Variants in SLC5A10 observed in about 807,000 individuals in gnomAD.
SLC5A10 encodes the protein sodium/mannose cotransporter SLC5A10.
SLC5A10 carries 55 observed loss-of-function variants against 68.9 expected under a neutral mutation model. The observed-to-expected ratio is 0.80, with a 90% CI of 0.64 to 1.00. SLC5A10 has a LOEUF of 1.00. Among genes scored for constraint, SLC5A10 ranks in the 50% least tolerant of loss-of-function variants. The pLI is 0.00. For synonymous variants in SLC5A10, 344 were observed against 344.8 expected (o/e 1.00, Z 0.02); for missense variants, 732 against 819.3 (o/e 0.89, Z 1.30).
chr17:18,954,089 C>G (rs1285320085), intron 1 of SLC5A10: 1 of 152,246 alleles, frequency 6.6e-6, no homozygotes, highest in Non-Finnish European at 1.5e-5. Context: ...CATCTCAGGG[C>G]TGTTCCAAGG....
chr17:18,963,297 G>A (rs1435403892), intron 5 of SLC5A10, among the ~76,000 whole-genome samples: 2 of 152,190 alleles, frequency 1.3e-5, no homozygotes, highest in Non-Finnish European at 2.9e-5. Context: ...AGTCAGGCAG[G>A]GACTACTGTT....
intron 5 of SLC5A10, among the ~76,000 whole-genome samples, chr17:18,962,018 G>A (rs1165822044): frequency 6.6e-6 from 1 of 152,156 alleles, no homozygotes; most frequent in Non-Finnish European, 1.5e-5. Flanking sequence ...ACTTGGCCTT[G>A]GCCTGCCCTT....
rs760427665 is a variant in SLC5A10, at chr17:19,020,418, C to G, written c.1778C>G (p.Ala593Gly). ...LLMCVNIFFY[A>G]YFA ...ATGTGTGTCAACATATTCTTTTATG[C>G]CTACTTCGCCTGACACTGCCATCCT... is the stretch of plus-strand genomic sequence containing the variant. Residue 593 changes from alanine (A) to glycine (G), a missense_variant, in exon 15 of 15, where the codon GCC (alanine) becomes GGC (glycine). Transcript: ENST00000395645. 1 of 1,613,732 alleles carries G rather than the reference C, an allele frequency of 6.2e-7. No individual in the cohort carries two copies. Among genetic ancestry groups the G allele is most frequent in the Non-Finnish European group, 8.5e-7 (1 of 1,179,950 alleles).
At position 18,999,286 on chromosome 17, in the gene SLC5A10, A is replaced by G. The variant is rs956078809; in HGVS notation, c.983-14124A>G. The stretch of plus-strand genomic sequence containing the variant: ...GAGCAAGACTTTGTCTCAAGAAGAA[A>G]AAAAAAAAAAGAAAATGCTTTTACT... On this transcript the variant is annotated intron_variant, in intron 9 of 14. Coordinates refer to ENST00000395645, the MANE Select transcript of SLC5A10 (RefSeq NM_001042450.4). 7.2e-5 allele frequency among the ~76,000 whole-genome samples: 11 copies of G among 152,148 alleles called. No homozygotes were observed. In the South Asian group the frequency reaches 1.7e-3, roughly 23 times the overall value.
At chr17:18,988,555 G>A (rs1474078007) in intron 9 of SLC5A10, 12 of 1,394,884 alleles carry the variant, frequency 8.6e-6, no homozygotes, top group South Asian at 5.7e-5. Flanking sequence ...CCTCAGGCCC[G>A]GGACCAGGAA....
At chr17:19,014,686 A>G (rs1325187639) in intron 10 of SLC5A10, among the ~76,000 whole-genome samples, 2 of 152,172 alleles carry the variant, frequency 1.3e-5, no homozygotes, top group Non-Finnish European at 2.9e-5. Context: ...CGGGTTAATC[A>G]TGCTTTCCTC....
intron 9 of SLC5A10, among the ~76,000 whole-genome samples, chr17:19,012,783 A>G (rs2044043451): frequency 6.6e-6 from 1 of 152,196 alleles, no homozygotes; most frequent in Non-Finnish European, 1.5e-5. Flanking sequence ...AGCCTGGCGT[A>G]AAGCTTGGAC....
In SLC5A10 at chr17:19,014,590, G is replaced by A. The variant is rs185370046; in HGVS notation, c.1091-459G>A. Among the ~76,000 whole-genome samples the A allele has an allele frequency of 8.4e-3, 1,282 of 152,254 alleles. 12 individuals carry two copies. The highest frequency in any genetic ancestry group is 0.023 in the South Asian group (112 of 4,824). On this transcript the variant is annotated intron_variant, in intron 10 of 14. Coordinates refer to ENST00000395645, the MANE Select transcript of SLC5A10 (RefSeq NM_001042450.4). ...CCAAGCCTTCCTCACCAACCCCACC[G>A]CACCCCAAAGTCCTGCCGCTGGCCT...
rs2043105101 is a variant in SLC5A10, at chr17:18,980,543, GTC to G, written c.982+3558_982+3559del. ...TAAGGGCCCTCTGTCCCAGTGTGGA[GTC>G]TCTGGAGCTGCCAAGGGCCTGTGTG... is the stretch of plus-strand genomic sequence containing the variant. On this transcript the variant is annotated intron_variant, in intron 9 of 14. Coordinates refer to ENST00000395645, the MANE Select transcript of SLC5A10 (RefSeq NM_001042450.4). Among the ~76,000 whole-genome samples the G allele has an allele frequency of 3.3e-5, 5 of 152,280 alleles. No individual in the cohort carries two copies. In the South Asian group the frequency reaches 1.0e-3, roughly 32 times the overall value.
chr17:18,987,541 C>A (rs781594722), intron 9 of SLC5A10, among the ~76,000 whole-genome samples: 2 of 152,188 alleles, frequency 1.3e-5, no homozygotes, highest in Non-Finnish European at 2.9e-5. Flanking sequence ...AGCGTTGGAC[C>A]AATGAGATCC....
intron 5 of SLC5A10, among the ~76,000 whole-genome samples, chr17:18,965,185 C>T (rs1216879019): frequency 6.6e-6 from 1 of 151,694 alleles, no homozygotes; most frequent in African/African-American, 2.4e-5. Flanking sequence ...GGATCGGGCC[C>T]AGGGTGGGGG....
rs1168386940 is a variant in SLC5A10, at chr17:19,021,813, C to T, written c.*1382C>T. The T allele has an allele frequency of 1.7e-5, 13 of 763,994 alleles. No homozygotes were observed. The highest frequency in any genetic ancestry group is 1.2e-4 in the South Asian group (3 of 25,900). The allele number at this position is 763,994 out of a possible 1,614,324, so 47.3% of individuals were successfully genotyped here. ...CTGGGCCATCCCAGTTTGTGCAGAG[C>T]GGCCGGAGGCAGTTAGGAGCCCACG... On this transcript the variant is annotated 3_prime_UTR_variant, in exon 15 of 15. Transcript: ENST00000395645. The surrounding 1 kb of genome is among the most constrained non-coding windows in gnomAD (Gnocchi z 4.1).
rs117870528 is a variant in SLC5A10, at chr17:18,983,117, G to A, written c.982+6128G>A. ...CCAGGACTGTCAGCCGTACTGGGTG[G>A]GTGGTTGGTGGGCTCAGGTAGGGAA... On this transcript the variant is annotated intron_variant, in intron 9 of 14. Coordinates refer to ENST00000395645, the MANE Select transcript of SLC5A10 (RefSeq NM_001042450.4). Among the ~76,000 whole-genome samples the A allele has an allele frequency of 4.3e-3, 651 of 152,350 alleles. 12 individuals carry two copies. Among genetic ancestry groups the A allele is most frequent in the Admixed American group, 0.037 (559 of 15,310 alleles).
Position 18,969,049 on chromosome 17 carries a change from C to G in SLC5A10, c.454-3C>G. 6.2e-7 allele frequency: 1 copy of G among 1,612,132 alleles called. No homozygotes were observed. The highest frequency in any genetic ancestry group is 1.1e-5 in the South Asian group (1 of 90,800). On this transcript the variant is annotated splice_polypyrimidine_tract_variant and splice_region_variant and intron_variant, in intron 5 of 14. Coordinates refer to ENST00000395645, the MANE Select transcript of SLC5A10 (RefSeq NM_001042450.4). ...TCCCACACAAGGCTCTCTCCCTCCGCAGCTGGACCTGTACGCGGGGGCTCT... is the reference window on the plus strand; with the variant it reads ...TCCCACACAAGGCTCTCTCCCTCCGGAGCTGGACCTGTACGCGGGGGCTCT...
intron 8 of SLC5A10, among the ~76,000 whole-genome samples, chr17:18,974,740 G>A (rs1213318760): frequency 6.6e-6 from 1 of 152,240 alleles, no homozygotes; most frequent in Non-Finnish European, 1.5e-5. Flanking sequence ...TACACTAGCA[G>A]CCTCACTTAA....
chr17:18,972,140 C>A (rs967687946), intron 8 of SLC5A10, among the ~76,000 whole-genome samples: 3 of 152,184 alleles, frequency 2.0e-5, no homozygotes, highest in African/African-American at 7.2e-5. Context: ...TCCAGGTGAC[C>A]TCAGATGAGC....
intron 10 of SLC5A10, 52 bp downstream of exon 10, chr17:19,013,569 G>A (rs763294680): frequency 6.6e-6 from 9 of 1,361,500 alleles, no homozygotes; most frequent in Non-Finnish European, 8.5e-6. Flanking sequence ...TTGGACTTGG[G>A]GCCCAATGAG....
At chr17:18,951,824 T>C (rs1056759430), upstream of SLC5A10, 2 of 229,548 alleles carry the variant, frequency 8.7e-6, no homozygotes, top group African/African-American at 4.6e-5. Context: ...TCTATGCTTC[T>C]TATACAAATT....
At chr17:19,007,112 C>T (rs1027903474) in intron 9 of SLC5A10, among the ~76,000 whole-genome samples, 2 of 152,032 alleles carry the variant, frequency 1.3e-5, no homozygotes, top group Non-Finnish European at 1.5e-5. Flanking sequence ...TCCAGAGTGG[C>T]TGTACCATTT....
Sources: gnomAD v4.1 joint callset for allele counts (sites outside exome capture counted in the v4.1 genomes callset) on GRCh38, gnomAD v4.1.1 for gene constraint, Gnocchi (gnomAD v3.1) non-coding constraint, MANE v1.5 for transcripts, NCBI Gene and HGNC (gene_info 2026-07-23, HGNC 2026-07-21) for gene names.